Variants in MACROD2 observed in about 807,000 individuals in gnomAD.
MACROD2 encodes the protein mono-ADP ribosylhydrolase 2, also known as ADP-ribose glycohydrolase MACROD2.
A neutral mutation model predicts 70.4 loss-of-function variants in MACROD2; 36 were observed. The ratio of observed to expected loss-of-function variants is 0.51; its 90% CI spans 0.39 to 0.68. MACROD2 has a LOEUF of 0.68. Ranked by LOEUF, MACROD2 falls within the 30% of genes least tolerant of loss-of-function variation. The pLI, the probability that MACROD2 is intolerant of heterozygous loss-of-function variation, is 0.00. For missense variants in MACROD2, 496 were observed against 538.4 expected, an observed-to-expected ratio of 0.92 and a Z score of 0.78; for synonymous variants, 172 against 178.8, an observed-to-expected ratio of 0.96 and a Z score of 0.30.
At chr20:14,479,281 G>C (rs1456402112) in intron 3 of MACROD2, among the ~76,000 whole-genome samples, 2 of 152,198 alleles carry the variant, frequency 1.3e-5, no homozygotes, top group East Asian at 3.9e-4. Flanking sequence ...GATCATCCTG[G>C]CAGGTGCTTG....
intron 3 of MACROD2, among the ~76,000 whole-genome samples, chr20:14,130,101 G>A (rs765574229): frequency 1.7e-4 from 26 of 151,860 alleles, no homozygotes; most frequent in Non-Finnish European, 3.5e-4. Context: ...CTTACCATGG[G>A]GACTCAGTTA....
intron 5 of MACROD2, among the ~76,000 whole-genome samples, chr20:14,736,044 T>C (rs2071660830): frequency 1.3e-5 from 2 of 152,100 alleles, no homozygotes; most frequent in South Asian, 2.1e-4. Context: ...AGCAGCAATA[T>C]TCATAATAGC....
At chr20:15,089,645 G>T (rs2075778388) in intron 5 of MACROD2, among the ~76,000 whole-genome samples, 1 of 152,090 alleles carries the variant, frequency 6.6e-6, no homozygotes, top group South Asian at 2.1e-4. Context: ...TGGGAACTTG[G>T]TGTCAACTCC....
intron 8 of MACROD2, among the ~76,000 whole-genome samples, chr20:15,646,619 A>G (rs1160185839): frequency 1.3e-5 from 2 of 152,136 alleles, no homozygotes; most frequent in East Asian, 3.9e-4. Flanking sequence ...GCACGTATCG[A>G]GGGAGAGACC....
chr20:13,998,634 T>C (rs1187630782), intron 1 of MACROD2, among the ~76,000 whole-genome samples: 1 of 152,102 alleles, frequency 6.6e-6, no homozygotes, highest in Non-Finnish European at 1.5e-5. Flanking sequence ...CTATCCCCCA[T>C]ACTAAAGAGA....
chr20:15,133,285 T>C (rs2123282277), intron 5 of MACROD2, among the ~76,000 whole-genome samples: 1 of 152,196 alleles, frequency 6.6e-6, no homozygotes, highest in African/African-American at 2.4e-5. Flanking sequence ...TGGAGAAAAT[T>C]ATTTGCATAA....
chr20:15,853,262 G>A (rs6079991), intron 8 of MACROD2, among the ~76,000 whole-genome samples: 1 of 152,100 alleles, frequency 6.6e-6, no homozygotes, highest in African/African-American at 2.4e-5. Flanking sequence ...CTCTATGTCA[G>A]GCCCTTTGCT....
intron 5 of MACROD2, among the ~76,000 whole-genome samples, chr20:14,927,236 G>T (rs2074244459): frequency 6.6e-6 from 1 of 152,124 alleles, no homozygotes; most frequent in South Asian, 2.1e-4. Context: ...TTGCCAGAAG[G>T]TGAAAGTTCA....
intron 7 of MACROD2, among the ~76,000 whole-genome samples, chr20:15,490,422 G>A (rs1433685509): frequency 2.0e-5 from 3 of 151,960 alleles, no homozygotes; most frequent in Non-Finnish European, 4.4e-5. Context: ...GTGCCTGGGT[G>A]ATTTTTATTT....
intron 15 of MACROD2, among the ~76,000 whole-genome samples, chr20:16,006,087 CAGG>C (rs2066783974): frequency 6.6e-6 from 1 of 152,230 alleles, no homozygotes; most frequent in African/African-American, 2.4e-5. Context: ...AGGGTAACCA[CAGG>C]AGAGCCACTA....
At chr20:14,533,174 G>T (rs13039974) in intron 4 of MACROD2, among the ~76,000 whole-genome samples, 1,857 of 152,304 alleles carry the variant, frequency 0.012, 13 homozygotes, top group Non-Finnish European at 0.019. Flanking sequence ...AACCTTATAA[G>T]GAAAGTAACT....
chr20:14,954,411 G>A (rs1336966011), intron 5 of MACROD2, among the ~76,000 whole-genome samples: 1 of 148,314 alleles, frequency 6.7e-6, no homozygotes, highest in Non-Finnish European at 1.5e-5. Context: ...ACCTGAACAC[G>A]GTAAAACCTC....
At chr20:15,662,594 T>G (rs1404146606) in intron 8 of MACROD2, among the ~76,000 whole-genome samples, 1 of 152,226 alleles carries the variant, frequency 6.6e-6, no homozygotes, top group African/African-American at 2.4e-5. Context: ...TTATATATTC[T>G]TATATACAAG....
At chr20:14,639,458 T>C (rs1411967715) in intron 4 of MACROD2, among the ~76,000 whole-genome samples, 1 of 152,176 alleles carries the variant, frequency 6.6e-6, no homozygotes, top group Non-Finnish European at 1.5e-5. Flanking sequence ...CTAGGGAAAT[T>C]CTTTTAATTA....
chr20:15,817,309 T>C (rs1053344340), intron 8 of MACROD2, among the ~76,000 whole-genome samples: 4 of 152,250 alleles, frequency 2.6e-5, no homozygotes, highest in South Asian at 2.1e-4. Context: ...CTGTGTTTAT[T>C]TGAAATATCC....
intron 5 of MACROD2, among the ~76,000 whole-genome samples, chr20:15,196,472 A>C (rs1424368952): frequency 6.6e-6 from 1 of 152,156 alleles, no homozygotes; most frequent in Non-Finnish European, 1.5e-5. Flanking sequence ...TAGATACAAA[A>C]TTGGTGAATG....
chr20:15,276,491 A>G lies in MACROD2; in HGVS notation c.540+46430A>G, dbSNP rs183415222. ...TGAAAACTTTTACAAAATATTAATT[A>G]TGTTTCCAAATGACCAAGATTGAAA... On this transcript the variant is annotated intron_variant, in intron 6 of 17. Coordinates refer to ENST00000684519, the MANE Select transcript of MACROD2 (RefSeq NM_001351661.2). Among the ~76,000 whole-genome samples, 67 of 152,288 alleles carry G rather than the reference A, an allele frequency of 4.4e-4. 1 individual carries two copies. Among genetic ancestry groups the G allele is most frequent in the Non-Finnish European group, 3.5e-4 (24 of 68,036 alleles).
intron 5 of MACROD2, among the ~76,000 whole-genome samples, chr20:14,726,470 T>C (rs1297233724): frequency 6.6e-6 from 1 of 152,186 alleles, no homozygotes; most frequent in African/African-American, 2.4e-5. Flanking sequence ...GCTTTTAAGC[T>C]TCTTATCTGA....
At chr20:15,346,102 TA>T (rs57491653) in intron 6 of MACROD2, among the ~76,000 whole-genome samples, 22,278 of 120,654 alleles carry the variant, frequency 0.18, 1,665 homozygotes, top group Middle Eastern at 0.3. Context: ...TGGCCTAAGG[TA>T]AAAATTTTTT....
Sources: gnomAD v4.1 joint callset for allele counts (sites outside exome capture counted in the v4.1 genomes callset) on GRCh38, gnomAD v4.1.1 for gene constraint, MANE v1.5 for transcripts, NCBI Gene and HGNC (gene_info 2026-07-23, HGNC 2026-07-21) for gene names.